The following ANO2 variants were observed in gnomAD, a reference collection of about 807,000 sequenced individuals.
ANO2 encodes the protein anoctamin-2.
ANO2 carries 101 observed loss-of-function variants against 124.2 expected under a neutral mutation model. The ratio of observed to expected loss-of-function variants is 0.81; its 90% CI spans 0.69 to 0.96. ANO2 has a LOEUF of 0.96. Among genes scored for constraint, ANO2 ranks in the 40% least tolerant of loss-of-function variants. The pLI is 0.00. For missense variants in ANO2, 1,293 were observed against 1,274.5 expected (o/e 1.01, Z -0.22); for synonymous variants, 486 against 482.5 (o/e 1.01, Z -0.09).
intron 16 of ANO2, among the ~76,000 whole-genome samples, chr12:5,634,563 C>T (rs1353922908): frequency 6.6e-6 from 1 of 152,220 alleles, no homozygotes; most frequent in South Asian, 2.1e-4. Context: ...GCAACAGCGA[C>T]TTGCAGCTCA....
intron 3 of ANO2, among the ~76,000 whole-genome samples, chr12:5,914,878 CA>C (rs1467094139): frequency 6.6e-6 from 1 of 152,216 alleles, no homozygotes; most frequent in Non-Finnish European, 1.5e-5. Flanking sequence ...CCCCTGGTGA[CA>C]CCCATGCATG....
chr12:5,589,998 G>A (rs370401887), intron 20 of ANO2, among the ~76,000 whole-genome samples: 2 of 152,096 alleles, frequency 1.3e-5, no homozygotes, highest in Admixed American at 6.5e-5. Flanking sequence ...AGGCAGTGGC[G>A]AGACGGTGGT....
chr12:5,565,632 G>C lies in ANO2; in HGVS notation c.2653C>G (p.Pro885Ala). 6.2e-7 allele frequency: 1 copy of C among 1,604,596 alleles called. No individual in the cohort carries two copies. The highest frequency in any genetic ancestry group is 8.5e-7 in the Non-Finnish European group (1 of 1,175,372). ...TGTTTCGAAAACTCATAAGGGTTCG[G>C]GGCCCATGGCGGCTCTCGGTAATCC... ...FKDYREPPWA[P>A]NPYEFSKQYW... is the part of the protein sequence containing the mutation. Residue 885 changes from proline (P) to alanine (A), a missense_variant, in exon 24 of 25, where the codon CCG (proline) becomes GCG (alanine). Transcript: ENST00000682330.
intron 16 of ANO2, among the ~76,000 whole-genome samples, chr12:5,633,158 T>C (rs563538970): frequency 3.9e-5 from 6 of 152,068 alleles, no homozygotes; most frequent in African/African-American, 1.4e-4. Flanking sequence ...GAAGGAGGAG[T>C]AGCTTATCTT....
intron 20 of ANO2, among the ~76,000 whole-genome samples, chr12:5,597,621 G>C (rs758697479): frequency 2.0e-5 from 3 of 152,196 alleles, no homozygotes; most frequent in Non-Finnish European, 2.9e-5. Context: ...GAACAGACAA[G>C]GTTGACAAGC....
At chr12:5,923,059 CAT>C (rs1348176373) in intron 1 of ANO2, among the ~76,000 whole-genome samples, 2 of 133,102 alleles carry the variant, frequency 1.5e-5, no homozygotes, top group African/African-American at 2.9e-5. Context: ...CACACACCCA[CAT>C]ACACACACAC....
chr12:5,898,986 G>A (rs1328615679), intron 3 of ANO2, among the ~76,000 whole-genome samples: 4 of 152,218 alleles, frequency 2.6e-5, no homozygotes. Flanking sequence ...AGAAAGAGGA[G>A]TTTCTCAAGG....
chr12:5,800,170 A>T (rs1952996160), intron 9 of ANO2, among the ~76,000 whole-genome samples: 1 of 152,286 alleles, frequency 6.6e-6, no homozygotes, highest in African/African-American at 2.4e-5. Context: ...CCCAGGCAGG[A>T]CAGTCTTCTT....
At chr12:5,887,468 A>T (rs1026421360) in intron 3 of ANO2, among the ~76,000 whole-genome samples, 2 of 152,210 alleles carry the variant, frequency 1.3e-5, no homozygotes, top group Non-Finnish European at 2.9e-5. Context: ...AGGGTTGCCC[A>T]TGTTTCCCTG....
At chr12:5,732,793 T>A in intron 13 of ANO2, 163 bp from the exon 14 acceptor site, 2 of 1,599,772 alleles carry the variant, frequency 1.3e-6, no homozygotes, top group East Asian at 2.2e-5. Context: ...AGACATCACA[T>A]CCTAACATAA....
intron 14 of ANO2, among the ~76,000 whole-genome samples, chr12:5,682,387 C>T (rs183993351): frequency 6.6e-6 from 1 of 152,066 alleles, no homozygotes; most frequent in African/African-American, 2.4e-5. Flanking sequence ...TACTCCTCCA[C>T]CCCAGCTCTC....
At position 5,636,491 on chromosome 12, in the gene ANO2, C is replaced by T. The variant is rs1946018008; in HGVS notation, c.1621-1144G>A. ...TTTCTGTAAAGGAAGCTGTTCAGGT[C>T]CTATTTCCTCCGCAGGACAGAGAAT... On this transcript the variant is annotated intron_variant, in intron 15 of 24. Coordinates refer to ENST00000682330, the MANE Select transcript of ANO2 (RefSeq NM_001364791.2). This position sits in a 1 kb window ranked among gnomAD's most constrained non-coding sequence, Gnocchi z 4.6. Among the ~76,000 whole-genome samples, 1 of 152,060 alleles carries T rather than the reference C, an allele frequency of 6.6e-6. No individual in the cohort carries two copies. Among genetic ancestry groups the T allele is most frequent in the South Asian group, 2.1e-4 (1 of 4,818 alleles).
At position 5,739,336 on chromosome 12, in the gene ANO2, G is replaced by A. The variant is rs796498428; in HGVS notation, c.1415C>T (p.Thr472Ile). ...QMRLGYFWDL[T>I]GIEEEEEHSR... ...ACTCACTTCTTCCTCTTCTATGCCA[G>A]TCAGGTCCCAAAAGTAGCCCAGTCG... The change falls in exon 13 of 25, where the codon ACT becomes ATT. Residue 472 changes from threonine to isoleucine, a missense_variant. By Grantham distance (89) the Thr-to-Ile change is moderately conservative. Coordinates refer to ENST00000682330, the MANE Select transcript of ANO2 (RefSeq NM_001364791.2). The A allele has an allele frequency of 1.2e-6, 2 of 1,605,710 alleles. No homozygotes were observed. The highest frequency in any genetic ancestry group is 1.3e-5 in the African/African-American group (1 of 74,956).
At chr12:5,852,260 A>G (rs776467228) in intron 4 of ANO2, among the ~76,000 whole-genome samples, 11 of 152,288 alleles carry the variant, frequency 7.2e-5, no homozygotes, top group Non-Finnish European at 1.5e-4. Flanking sequence ...GGGCTGCGGT[A>G]TTAGGAGTGA....
chr12:5,932,958 A>C (rs189121758), intron 1 of ANO2, among the ~76,000 whole-genome samples: 273 of 152,336 alleles, frequency 1.8e-3, no homozygotes, highest in South Asian at 9.6e-3. Context: ...GAAGAAAGGC[A>C]GTGATTTGTA....
In ANO2 at chr12:5,921,192, T is replaced by G; in HGVS notation, c.382A>C (p.Asn128His). Residue 128 changes from asparagine to histidine, a missense_variant, in exon 3 of 25, where the codon AAT becomes CAT. Physicochemically the swap from Asn to His is moderately conservative, Grantham distance 68. Transcript: ENST00000682330. ...FPGHSLAIVS[N>H]GETGKEPHAG... ...TGAGGCTCCTTGCCTGTCTCCCCAT[T>G]GGAGACGATAGCCAGCGAGTGGCCA... is the stretch of plus-strand genomic sequence containing the variant. 15 of 1,613,890 alleles carry G rather than the reference T, an allele frequency of 9.3e-6. No homozygotes were observed. Among genetic ancestry groups the G allele is most frequent in the Non-Finnish European group, 1.3e-5 (15 of 1,179,850 alleles).
At chr12:5,681,458 AGAGTGTCCCAG>A (rs1438420725) in intron 14 of ANO2, among the ~76,000 whole-genome samples, 4 of 152,230 alleles carry the variant, frequency 2.6e-5, no homozygotes, top group African/African-American at 9.6e-5. Context: ...AGGCCAAAGC[AGAGTGTCCCAG>A]GAGACAAGGT....
At chr12:5,884,146 A>G (rs2137302263) in intron 3 of ANO2, among the ~76,000 whole-genome samples, 1 of 152,332 alleles carries the variant, frequency 6.6e-6, no homozygotes, top group East Asian at 1.9e-4. Flanking sequence ...GAACATTTGG[A>G]ATCTGGGCCT....
chr12:5,632,735 T>C (rs921714280), intron 16 of ANO2, among the ~76,000 whole-genome samples: 1 of 152,178 alleles, frequency 6.6e-6, no homozygotes. Context: ...GAGTTTTCTA[T>C]TGTTGCCAAC....
Sources: allele counts gnomAD v4.1 joint callset (sites outside exome capture counted in the v4.1 genomes callset), GRCh38; gene constraint gnomAD v4.1.1; non-coding constraint Gnocchi (gnomAD v3.1); transcripts MANE v1.5; gene names NCBI Gene and HGNC (gene_info 2026-07-23, HGNC 2026-07-21).